The following DIS3L2 variants were observed in gnomAD, a reference collection of about 807,000 sequenced individuals.
DIS3L2 encodes the protein DIS3 like 3'-5' exoribonuclease 2.
A neutral mutation model predicts 97.5 loss-of-function variants in DIS3L2; 34 were observed. That is an observed-to-expected ratio of 0.35 (90% CI 0.27 to 0.46). The LOEUF (loss-of-function observed/expected upper bound fraction) is 0.46. Among genes scored for constraint, DIS3L2 ranks in the 20% least tolerant of loss-of-function variants. The pLI is 1.00. For synonymous variants in DIS3L2, 435 were observed against 445.2 expected (o/e 0.98, Z 0.29); for missense variants, 1,038 against 1,146.0 (o/e 0.91, Z 1.36).
At chr2:232,333,389 G>A (rs1461314956) in intron 16 of DIS3L2, among the ~76,000 whole-genome samples, 1 of 144,152 alleles carries the variant, frequency 6.9e-6, no homozygotes, top group Non-Finnish European at 1.5e-5. Flanking sequence ...CCGGCCCCAT[G>A]CTGGGGAAGG....
At chr2:231,992,127 A>C (rs1012331339) in intron 1 of DIS3L2, among the ~76,000 whole-genome samples, 3 of 152,170 alleles carry the variant, frequency 2.0e-5, no homozygotes, top group African/African-American at 4.8e-5. Flanking sequence ...ACCTGCTATC[A>C]AAGATTTCGT....
At chr2:231,992,006 T>C (rs1042689296) in intron 1 of DIS3L2, among the ~76,000 whole-genome samples, 6 of 152,122 alleles carry the variant, frequency 3.9e-5, no homozygotes, top group African/African-American at 1.4e-4. Context: ...AAGGACCTTA[T>C]GAGGGGAGGT....
intron 1 of DIS3L2, among the ~76,000 whole-genome samples, chr2:231,986,497 G>C (rs1693418345): frequency 2.0e-5 from 3 of 152,114 alleles, no homozygotes; most frequent in African/African-American, 7.2e-5. Context: ...GCTGGTCTGG[G>C]TCCACATATT....
intron 5 of DIS3L2, among the ~76,000 whole-genome samples, chr2:232,062,193 G>A (rs982055177): frequency 2.0e-5 from 3 of 152,150 alleles, no homozygotes; most frequent in Non-Finnish European, 2.9e-5. Context: ...TCAGCTGAGA[G>A]GCAGCTTCTC....
At chr2:232,145,965 G>A (rs1690204433) in intron 8 of DIS3L2, among the ~76,000 whole-genome samples, 1 of 152,144 alleles carries the variant, frequency 6.6e-6, no homozygotes, top group Non-Finnish European at 1.5e-5. Flanking sequence ...GCTAGAAAGT[G>A]GCACATGCAA....
At chr2:232,212,399 T>G (rs1238219475) in intron 10 of DIS3L2, among the ~76,000 whole-genome samples, 1 of 152,224 alleles carries the variant, frequency 6.6e-6, no homozygotes, top group Non-Finnish European at 1.5e-5. Flanking sequence ...GACGGATACA[T>G]CTACTACCTG....
intron 10 of DIS3L2, among the ~76,000 whole-genome samples, chr2:232,226,983 TAAAC>T (rs1243007316): frequency 1.3e-5 from 2 of 149,538 alleles, no homozygotes; most frequent in South Asian, 2.1e-4. Flanking sequence ...AACAAACAAA[TAAAC>T]AAAAACAAAA....
At chr2:232,337,209 A>G (rs1228988012), downstream of DIS3L2, 5 of 988,894 alleles carry the variant, frequency 5.1e-6, no homozygotes, top group Non-Finnish European at 6.0e-6. Flanking sequence ...GAGCGCCCCC[A>G]TCACCCTGAC....
At chr2:232,326,357 C>T (rs1462020157) in intron 14 of DIS3L2, among the ~76,000 whole-genome samples, 2 of 146,746 alleles carry the variant, frequency 1.4e-5, no homozygotes, top group African/African-American at 2.5e-5. Context: ...TTTGCAATGG[C>T]GAATACTGAA....
rs1305916019 is a variant in DIS3L2 at position 232,330,825 on chromosome 2, C to A, written c.2010+49C>A. 6 of 1,566,352 alleles carry A rather than the reference C, an allele frequency of 3.8e-6. No individual in the cohort carries two copies. In the Admixed American group the frequency reaches 8.3e-5, roughly 22 times the overall value. ...TCCCCTGCTCCCAGGAGCACACTAG[C>A]CCCAGACCTGTGACCTCCACGTGCA... On this transcript the variant is annotated intron_variant, in intron 16 of 20. Transcript: ENST00000325385.
At chr2:232,337,794 G>A (rs571001221), downstream of DIS3L2, among the ~76,000 whole-genome samples, 226 of 151,876 alleles carry the variant, frequency 1.5e-3, 1 homozygote, top group African/African-American at 5.4e-3. Context: ...CCTTGTCAGA[G>A]TGCCTCGCAG....
At chr2:232,086,072 C>T (rs1696574043) in intron 5 of DIS3L2, among the ~76,000 whole-genome samples, 2 of 152,052 alleles carry the variant, frequency 1.3e-5, no homozygotes, top group African/African-American at 4.8e-5. Flanking sequence ...TCTGAGATTA[C>T]AGGTGTGAGT....
In DIS3L2 at chr2:232,250,128, G is replaced by A. The variant is rs186568842; in HGVS notation, c.1425+782G>A. Among the ~76,000 whole-genome samples, 28 of 152,264 alleles carry A rather than the reference G, an allele frequency of 1.8e-4. No individual in the cohort carries two copies. In the East Asian group the frequency reaches 5.2e-3, roughly 28 times the overall value. The stretch of plus-strand genomic sequence containing the variant: ...CAGAAGTAGGGTCGTGATTAAGTAA[G>A]CCCTGGTGCCTTCTCAGTGGAATAT... On this transcript the variant is annotated intron_variant, in intron 12 of 20. Transcript: ENST00000325385.
At chr2:232,006,568 A>G (rs1402137890) in intron 1 of DIS3L2, among the ~76,000 whole-genome samples, 2 of 152,366 alleles carry the variant, frequency 1.3e-5, no homozygotes, top group Middle Eastern at 3.4e-3. Flanking sequence ...GTGGCATTCA[A>G]AGTGCTTGCC....
At chr2:232,056,526 A>G (rs973788936) in intron 5 of DIS3L2, among the ~76,000 whole-genome samples, 8 of 152,190 alleles carry the variant, frequency 5.3e-5, no homozygotes, top group Non-Finnish European at 8.8e-5. Flanking sequence ...AACCAGATAT[A>G]TATTCAACAA....
intron 13 of DIS3L2, among the ~76,000 whole-genome samples, chr2:232,265,888 T>C (rs758744317): frequency 6.6e-6 from 1 of 152,230 alleles, no homozygotes; most frequent in Non-Finnish European, 1.5e-5. Flanking sequence ...GAATTCCGGT[T>C]AGCATTCCCT....
At chr2:232,094,501 TGAG>T (rs1696941702) in intron 6 of DIS3L2, among the ~76,000 whole-genome samples, 1 of 151,948 alleles carries the variant, frequency 6.6e-6, no homozygotes, top group Admixed American at 6.6e-5. Flanking sequence ...GTGGATCACT[TGAG>T]GACAGGAGTT....
chr2:231,968,807 A>G (rs1038483939), intron 1 of DIS3L2, among the ~76,000 whole-genome samples: 2 of 152,176 alleles, frequency 1.3e-5, no homozygotes, highest in Non-Finnish European at 2.9e-5. Context: ...ATCCGTAAGT[A>G]TTTCATAGTT....
intron 8 of DIS3L2, among the ~76,000 whole-genome samples, chr2:232,144,177 A>AG (rs1690151926): frequency 6.6e-6 from 1 of 152,154 alleles, no homozygotes; most frequent in Non-Finnish European, 1.5e-5. Context: ...CTACTTAAAA[A>AG]GGAAATTACT....
Sources: allele counts gnomAD v4.1 joint callset (sites outside exome capture counted in the v4.1 genomes callset), GRCh38; gene constraint gnomAD v4.1.1; transcripts MANE v1.5; gene names NCBI Gene and HGNC (gene_info 2026-07-23, HGNC 2026-07-21).